P4HB: variants seen among roughly 807,000 people sequenced by gnomAD.
P4HB encodes the protein protein disulfide-isomerase.
A neutral mutation model predicts 52.6 loss-of-function variants in P4HB; 20 were observed. The ratio of observed to expected loss-of-function variants is 0.38; its 90% CI spans 0.27 to 0.55. The LOEUF (loss-of-function observed/expected upper bound fraction) is 0.55, where lower values mean the gene tolerates loss of function less well. P4HB is among the 20% of genes least tolerant of loss of function. The pLI is 0.74. For synonymous variants in P4HB, 296 were observed against 277.9 expected (o/e 1.07, Z -0.65); for missense variants, 601 against 669.2 (o/e 0.90, Z 1.12).
At chr17:81,851,551 T>C (rs1425417783) in intron 4 of P4HB, among the ~76,000 whole-genome samples, 1 of 152,224 alleles carries the variant, frequency 6.6e-6, no homozygotes, top group Non-Finnish European at 1.5e-5. Flanking sequence ...CTTTGGAACA[T>C]GAGCTGCTGA....
Position 81,855,319 on chromosome 17 carries a change from C to G in P4HB, c.487-40G>C. 6.2e-7 allele frequency: 1 copy of G among 1,612,820 alleles called. No individual in the cohort carries two copies. The highest frequency in any genetic ancestry group is 8.5e-7 in the Non-Finnish European group (1 of 1,179,496). On this transcript the variant is annotated intron_variant, in intron 3 of 10. Transcript: ENST00000331483. This position sits in a 1 kb window ranked among gnomAD's most constrained non-coding sequence, Gnocchi z 4.3. Reference sequence around the variant, plus strand: ...AGAAGCAGAGGTCGTCATGATCCCGCAGCACCAAGCAGTAGGGCAGACCCT... The same window carrying G: ...AGAAGCAGAGGTCGTCATGATCCCGGAGCACCAAGCAGTAGGGCAGACCCT...
Position 81,845,590 on chromosome 17 carries a change from TGA to T in P4HB, c.1328_1329del (p.Leu443GlnfsTer13). ...CTGTCGGCACTGGCAGGAAAGAACT[TGA>T]GTGTGGGGAAGCTGTGCACTTTGAC... ...EAVKVHSFPT[L>X]KFFPASADRT... is the part of the protein sequence containing the mutation. On this transcript the variant is annotated frameshift_variant, in exon 9 of 11. Transcript: ENST00000331483. LOFTEE classifies it high-confidence loss of function. The T allele has an allele frequency of 6.2e-7, 1 of 1,609,438 alleles. No homozygotes were observed. Among genetic ancestry groups the T allele is most frequent in the Non-Finnish European group, 8.5e-7 (1 of 1,176,678 alleles).
chr17:81,847,260 T>C lies in P4HB; in HGVS notation c.712A>G (p.Ile238Val). The change falls in exon 5 of 11, where the codon ATC (isoleucine) becomes GTC (valine). Residue 238 changes from isoleucine to valine, a missense_variant. Coordinates refer to ENST00000331483, the MANE Select transcript of P4HB (RefSeq NM_000918.4). Reference protein sequence around the residue: ...FIKHNQLPLVIEFTEQTAPKI... With the variant: ...FIKHNQLPLVVEFTEQTAPKI... ...AGCCGCACCTGCTCGGTGAACTCGATGACAAGGGGCAGCTGGTTGTGTTTG... is the reference window on the plus strand; with the variant it reads ...AGCCGCACCTGCTCGGTGAACTCGACGACAAGGGGCAGCTGGTTGTGTTTG... 1 of 1,614,116 alleles carries C rather than the reference T, an allele frequency of 6.2e-7. No homozygotes were observed. The highest frequency in any genetic ancestry group is 8.5e-7 in the Non-Finnish European group (1 of 1,180,020).
chr17:81,859,304 T>C lies in P4HB; in HGVS notation c.229A>G (p.Ile77Val), dbSNP rs1346749320. The C allele has an allele frequency of 1.9e-6, 3 of 1,613,978 alleles. No homozygotes were observed. The Admixed American group carries it at 5.0e-5, about 27-fold the overall frequency. The change falls in exon 2 of 11, where the codon ATC becomes GTC. Residue 77 changes from isoleucine (I) to valine (V), a missense_variant. By Grantham distance (29) the Ile-to-Val change is conservative. Transcript: ENST00000331483. ...GTGGCGTCCACCTTGGCCAACCTGA[T>C]CTCGGAACCTTCTGCCTTCAGCTTC... ...AGKLKAEGSEIRLAKVDATEE... is the reference protein window; with the variant it reads ...AGKLKAEGSEVRLAKVDATEE...
intron 2 of P4HB, among the ~76,000 whole-genome samples, chr17:81,856,173 T>A (rs1246303121): frequency 6.6e-6 from 1 of 151,714 alleles, no homozygotes; most frequent in Non-Finnish European, 1.5e-5. Context: ...CCAGCCCTTT[T>A]TTTTTTCTTG....
Position 81,847,339 on chromosome 17 carries a change from T to C in P4HB, c.633A>G (p.Glu211=), listed in dbSNP as rs1447651851. ...CCTCCCCTTCAAAGTTGTTCCGGCC[T>C]TCATCAAACTGTGGACAGAAAGAGG... ...DGVVLFKKFD[E]GRNNFEGEVT... Residue 211 remains glutamate, a synonymous_variant, in exon 5 of 11, where the codon GAA becomes GAG. Coordinates refer to ENST00000331483, the MANE Select transcript of P4HB (RefSeq NM_000918.4). 4 of 1,613,472 alleles carry C rather than the reference T, an allele frequency of 2.5e-6. No homozygotes were observed. The African/African-American group carries it at 4.0e-5, about 16-fold the overall frequency.
chr17:81,855,223 G>C lies in P4HB; in HGVS notation c.543C>G (p.Asp181Glu). ...TGTTGGAAGTGATCCCAAATGGTAT[G>C]TCATCGATGGCCTCTGCTGCCTGCA... Reference protein sequence around the residue: ...QFLQAAEAIDDIPFGITSNSD... With the variant: ...QFLQAAEAIDEIPFGITSNSD... Residue 181 changes from aspartate to glutamate, a missense_variant, in exon 4 of 11, where the codon GAC becomes GAG. Asp to Glu is a conservative substitution (Grantham distance 45). Transcript: ENST00000331483. The surrounding 1 kb of genome is among the most constrained non-coding windows in gnomAD (Gnocchi z 4.3). 1.2e-6 allele frequency: 2 copies of C among 1,613,916 alleles called. No individual in the cohort carries two copies. Among genetic ancestry groups the C allele is most frequent in the Non-Finnish European group, 1.7e-6 (2 of 1,179,842 alleles).
At chr17:81,844,905 T>TA (rs2038709503) in intron 10 of P4HB, among the ~76,000 whole-genome samples, 1 of 152,264 alleles carries the variant, frequency 6.6e-6, no homozygotes, top group Non-Finnish European at 1.5e-5. Context: ...ATCTGGTTTT[T>TA]AAAGATGCCT....
intron 4 of P4HB, among the ~76,000 whole-genome samples, chr17:81,851,532 G>A (rs1181624723): frequency 2.0e-5 from 3 of 152,342 alleles, no homozygotes; most frequent in African/African-American, 4.8e-5. Flanking sequence ...GAGGCCCTTG[G>A]AGGGAATCCT....
rs1390997499 is a variant in P4HB, at chr17:81,859,350, A to G, written c.183T>C (p.Pro61=). ...GCTTCCCAGCGGCTTTGGCATACTC[A>G]GGGGCCAGAGCCTTGCAGTGGCCAC... ...PWCGHCKALA[P]EYAKAAGKLK... The change falls in exon 2 of 11, where the codon CCT becomes CCC. Residue 61 remains proline, a synonymous_variant. Coordinates refer to ENST00000331483, the MANE Select transcript of P4HB (RefSeq NM_000918.4). The G allele has an allele frequency of 6.2e-7, 1 of 1,613,832 alleles. No individual in the cohort carries two copies. The highest frequency in any genetic ancestry group is 8.5e-7 in the Non-Finnish European group (1 of 1,180,018).
chr17:81,845,853 T>A lies in P4HB; in HGVS notation c.1177+18A>T. On this transcript the variant is annotated intron_variant, in intron 8 of 10. Transcript: ENST00000331483. Reference sequence around the variant, plus strand: ...CCCTGGTGGCACGGACCTGGGGAGCTGAAAGGGCAACACTTACAGAACTCC... The same window carrying A: ...CCCTGGTGGCACGGACCTGGGGAGCAGAAAGGGCAACACTTACAGAACTCC... 6.2e-7 allele frequency: 1 copy of A among 1,614,010 alleles called. No homozygotes were observed. The highest frequency in any genetic ancestry group is 1.1e-5 in the South Asian group (1 of 91,080).
At chr17:81,854,339 A>T (rs1302580019) in intron 4 of P4HB, among the ~76,000 whole-genome samples, 17 of 148,960 alleles carry the variant, frequency 1.1e-4, no homozygotes, top group Non-Finnish European at 3.0e-5. Context: ...CAGGAGTTCA[A>T]GACCAGCCTG....
intron 2 of P4HB, among the ~76,000 whole-genome samples, chr17:81,857,826 G>A (rs535380115): frequency 3.9e-5 from 6 of 152,212 alleles, no homozygotes; most frequent in South Asian, 2.1e-4. Flanking sequence ...GGTCCGAATC[G>A]GGAAAACCCC....
rs147664712 is a variant in P4HB, at chr17:81,845,795, C to T, written c.1178-53G>A. 484 of 1,612,774 alleles carry T rather than the reference C, an allele frequency of 3.0e-4. 1 individual carries two copies. The African/African-American group carries it at 5.5e-3, about 18-fold the overall frequency. On this transcript the variant is annotated intron_variant, in intron 8 of 10. Transcript: ENST00000331483. ...TCCTGGACACAAAGCCACTGGCAGA[C>T]GCTTCCCCAGGAGTCTGCCTACCTT...
chr17:81,856,795 G>A (rs1318823650), intron 2 of P4HB, among the ~76,000 whole-genome samples: 4 of 151,718 alleles, frequency 2.6e-5, no homozygotes, highest in South Asian at 2.1e-4. Flanking sequence ...TATTACAGGC[G>A]CCCGCCACCA....
In P4HB at chr17:81,845,574, C is replaced by G. The variant is rs750248901; in HGVS notation, c.1346G>C (p.Ser449Thr). 8 of 1,603,796 alleles carry G rather than the reference C, an allele frequency of 5.0e-6. No individual in the cohort carries two copies. Among genetic ancestry groups the G allele is most frequent in the Non-Finnish European group, 6.8e-6 (8 of 1,172,394 alleles). The part of the protein sequence containing the change: ...SFPTLKFFPA[S>T]ADRTVIDYNG... ...GGGAAGGCGCACCGTCCTGTCGGCA[C>G]TGGCAGGAAAGAACTTGAGTGTGGG... Residue 449 changes from serine to threonine, a missense_variant, in exon 9 of 11, where the codon AGT becomes ACT. Physicochemically the swap from Ser to Thr is moderately conservative, Grantham distance 58. Transcript: ENST00000331483.
At chr17:81,858,904 CCT>C (rs2038955970) in intron 2 of P4HB, 1 of 446,710 alleles carries the variant, frequency 2.2e-6, no homozygotes, top group Non-Finnish European at 4.1e-6. Flanking sequence ...CACCAGTCTC[CCT>C]CTCCTCGCTG....
chr17:81,850,029 T>C (rs1280136669), intron 4 of P4HB, among the ~76,000 whole-genome samples: 1 of 150,692 alleles, frequency 6.6e-6, no homozygotes, highest in Non-Finnish European at 1.5e-5. Context: ...GGTTTTACCA[T>C]GTTGGCCAGG....
chr17:81,850,920 G>A (rs975363480), intron 4 of P4HB, among the ~76,000 whole-genome samples: 8 of 151,456 alleles, frequency 5.3e-5, no homozygotes, highest in African/African-American at 1.7e-4. Context: ...GAGCCACCAA[G>A]CCTGGTCCCC....
Sources: allele counts gnomAD v4.1 joint callset (sites outside exome capture counted in the v4.1 genomes callset), GRCh38; gene constraint gnomAD v4.1.1; non-coding constraint Gnocchi (gnomAD v3.1); transcripts MANE v1.5; gene names NCBI Gene and HGNC (gene_info 2026-07-23, HGNC 2026-07-21).